SERPINI2: variants seen among roughly 807,000 people sequenced by gnomAD.
SERPINI2 encodes the protein serpin family I member 2.
Under a neutral mutation model 47.3 loss-of-function variants are expected in SERPINI2, and 48 were observed. That is an observed-to-expected ratio of 1.02 (90% CI 0.81 to 1.29). The LOEUF (loss-of-function observed/expected upper bound fraction) is 1.29. SERPINI2 is among the 50% of genes most tolerant of loss of function. The probability of loss-of-function intolerance (pLI) is 0.00; values close to 1 mark genes in which losing one functional copy is unlikely to be tolerated. For missense variants in SERPINI2, 448 were observed against 456.9 expected, an observed-to-expected ratio of 0.98 and a Z score of 0.18; for synonymous variants, 135 against 149.3, an observed-to-expected ratio of 0.90 and a Z score of 0.70.
At chr3:167,475,859 T>TC (rs1279103095), upstream of SERPINI2, among the ~76,000 whole-genome samples, 1 of 151,756 alleles carries the variant, frequency 6.6e-6, no homozygotes, top group African/African-American at 2.4e-5. Context: ...AGTTATCATC[T>TC]CATCAATTTT....
intron 2 of SERPINI2, among the ~76,000 whole-genome samples, chr3:167,467,994 ACTGTAGTGTTGT>A (rs1438071764): frequency 1.3e-5 from 2 of 152,130 alleles, no homozygotes; most frequent in African/African-American, 4.8e-5. Flanking sequence ...GACTGTTCTG[ACTGTAGTGTTGT>A]CTGGAAGCTA....
chr3:167,470,188 G>T (rs533130500), intron 2 of SERPINI2, among the ~76,000 whole-genome samples: 9 of 152,224 alleles, frequency 5.9e-5, no homozygotes, highest in African/African-American at 2.2e-4. Flanking sequence ...GTGGTATATT[G>T]GGATTTGCTG....
At chr3:167,468,933 A>G (rs950093936) in intron 2 of SERPINI2, among the ~76,000 whole-genome samples, 7 of 152,208 alleles carry the variant, frequency 4.6e-5, no homozygotes, top group Non-Finnish European at 8.8e-5. Context: ...ATAAAAAAAG[A>G]GAGAAAGGGA....
At chr3:167,443,203 G>T (rs1749378156) in intron 8 of SERPINI2, among the ~76,000 whole-genome samples, 1 of 152,204 alleles carries the variant, frequency 6.6e-6, no homozygotes, top group Non-Finnish European at 1.5e-5. Context: ...CGCCTCCCGG[G>T]TTCACGCCAT....
At chr3:167,471,829 G>A (rs772939509) in exon 2 of SERPINI2, 1 of 1,608,912 alleles carries the variant, frequency 6.2e-7, no homozygotes, top group South Asian at 1.1e-5. Flanking sequence ...AGAAGATTGT[G>A]TCCATTTTGA....
intron 5 of SERPINI2, among the ~76,000 whole-genome samples, chr3:167,458,355 A>G (rs1033006600): frequency 1.3e-4 from 18 of 136,260 alleles, no homozygotes; most frequent in Admixed American, 6.5e-4. Context: ...GGTTCACGCC[A>G]TTTTCCTGCC....
At chr3:167,470,550 C>CTTTTTTTTTTTTTTTTTTTTTTTTTTTT (rs536884425) in intron 2 of SERPINI2, among the ~76,000 whole-genome samples, 1 of 93,046 alleles carries the variant, frequency 1.1e-5, no homozygotes, top group African/African-American at 5.7e-5. Context: ...TGAGCAACAA[C>CTTTTTTTTTTTTTTTTTTTTTTTTTTTT]TTTTTTTTTT....
chr3:167,461,134 A>C (rs1356078433), intron 5 of SERPINI2, among the ~76,000 whole-genome samples: 1 of 152,208 alleles, frequency 6.6e-6, no homozygotes, highest in Non-Finnish European at 1.5e-5. Context: ...TATTGGTCAG[A>C]CACCACAGAG....
chr3:167,448,972 C>T (rs9853197), intron 7 of SERPINI2, among the ~76,000 whole-genome samples: 29,007 of 152,004 alleles, frequency 0.19, 4,104 homozygotes, highest in African/African-American at 0.39. Flanking sequence ...AATACAATTA[C>T]GTAAGGGTGA....
chr3:167,468,633 A>G (rs976407171), intron 2 of SERPINI2, among the ~76,000 whole-genome samples: 1 of 152,216 alleles, frequency 6.6e-6, no homozygotes, highest in South Asian at 2.1e-4. Flanking sequence ...TTACTTCCAT[A>G]TGATTAGATC....
chr3:167,458,612 G>A (rs1749880963), intron 5 of SERPINI2, among the ~76,000 whole-genome samples: 1 of 151,988 alleles, frequency 6.6e-6, no homozygotes, highest in African/African-American at 2.4e-5. Context: ...TTTATCAATA[G>A]GTGGTAACCA....
At chr3:167,468,127 T>C (rs1750196770) in intron 2 of SERPINI2, among the ~76,000 whole-genome samples, 1 of 152,198 alleles carries the variant, frequency 6.6e-6, no homozygotes, top group Non-Finnish European at 1.5e-5. Flanking sequence ...TAGAACTCAA[T>C]CATTAAGTCT....
chr3:167,451,127 A>C (rs2108155073), intron 6 of SERPINI2, among the ~76,000 whole-genome samples: 1 of 152,324 alleles, frequency 6.6e-6, no homozygotes, highest in Admixed American at 6.5e-5. Context: ...ATATTTAACT[A>C]TGTGCCAAAT....
chr3:167,466,927 G>T (rs1750149363), intron 3 of SERPINI2, 128 bp downstream of exon 3: 2 of 482,706 alleles, frequency 4.1e-6, no homozygotes, highest in East Asian at 6.6e-5. Context: ...ACTATGAAAT[G>T]AAATAGGATA....
chr3:167,452,511 G>A (rs1280592297), intron 6 of SERPINI2, among the ~76,000 whole-genome samples: 1 of 152,200 alleles, frequency 6.6e-6, no homozygotes, highest in African/African-American at 2.4e-5. Flanking sequence ...TCATCATCCA[G>A]CAGCTTATGG....
chr3:167,463,481 CAGAAACAAAAT>C (rs1263659351), intron 5 of SERPINI2, among the ~76,000 whole-genome samples: 1 of 151,804 alleles, frequency 6.6e-6, no homozygotes, highest in African/African-American at 2.4e-5. Context: ...TGCTTGGGAA[CAGAAACAAAAT>C]AGAAGTAAGT....
At chr3:167,472,046 G>T in intron 1 of SERPINI2, 1 of 485,734 alleles carries the variant, frequency 2.1e-6, no homozygotes, top group Non-Finnish European at 3.7e-6. Flanking sequence ...ATATCTTCAA[G>T]AACCAGTAGA....
intron 5 of SERPINI2, among the ~76,000 whole-genome samples, chr3:167,463,405 C>A (rs1312559792): frequency 1.3e-5 from 2 of 151,742 alleles, no homozygotes; most frequent in Non-Finnish European, 2.9e-5. Flanking sequence ...ACCAGAATAA[C>A]AGGGATATTT....
chr3:167,449,166 C>T (rs1749567736), intron 7 of SERPINI2, 150 bp downstream of exon 7: 4 of 626,084 alleles, frequency 6.4e-6, no homozygotes, highest in Admixed American at 6.2e-5. Flanking sequence ...ATATGAACAG[C>T]GTATACAACC....
Sources: gnomAD v4.1 joint callset for allele counts (sites outside exome capture counted in the v4.1 genomes callset) on GRCh38, gnomAD v4.1.1 for gene constraint, MANE v1.5 for transcripts, NCBI Gene and HGNC (gene_info 2026-07-23, HGNC 2026-07-21) for gene names.